MAN1A1: variants seen among roughly 807,000 people sequenced by gnomAD.
MAN1A1 encodes mannosyl-oligosaccharide 1,2-alpha-mannosidase IA.
A neutral mutation model predicts 70.8 loss-of-function variants in MAN1A1; 29 were observed. The ratio of observed to expected loss-of-function variants is 0.41; its 90% confidence interval spans 0.31 to 0.56. The LOEUF (loss-of-function observed/expected upper bound fraction) is 0.56, where lower values mean the gene tolerates loss of function less well. Among genes scored for constraint, MAN1A1 ranks in the 20% least tolerant of loss-of-function variants. The probability of loss-of-function intolerance (pLI) is 0.29; values close to 1 mark genes in which losing one functional copy is unlikely to be tolerated. For missense variants in MAN1A1, 747 were observed against 841.3 expected (o/e 0.89, Z 1.39); for synonymous variants, 349 against 330.1 (o/e 1.06, Z -0.62).
intron 9 of MAN1A1, 145 bp from the exon 10 acceptor site, chr6:119,190,028 G>T: frequency 1.5e-6 from 1 of 651,356 alleles, no homozygotes; most frequent in Non-Finnish European, 2.6e-6. Context: ...GAAATTACAT[G>T]CTATTGCTTT....
chr6:119,250,422 C>T (rs1329999472), intron 5 of MAN1A1, among the ~76,000 whole-genome samples: 1 of 152,182 alleles, frequency 6.6e-6, no homozygotes, highest in Non-Finnish European at 1.5e-5. Flanking sequence ...CCTAACCTTC[C>T]TCATCTGTAC....
intron 6 of MAN1A1, among the ~76,000 whole-genome samples, chr6:119,247,631 G>A (rs947841320): frequency 3.3e-5 from 5 of 152,126 alleles, no homozygotes; most frequent in African/African-American, 1.2e-4. Flanking sequence ...TGTTCAGCCT[G>A]GGATGTGTGT....
At chr6:119,207,097 C>T (rs757596575) in intron 6 of MAN1A1, among the ~76,000 whole-genome samples, 21 of 152,122 alleles carry the variant, frequency 1.4e-4, no homozygotes, top group Non-Finnish European at 2.1e-4. Flanking sequence ...TGTGGTGAAT[C>T]GAGAAAAATC....
At chr6:119,217,381 A>G (rs1163242645) in intron 6 of MAN1A1, among the ~76,000 whole-genome samples, 1 of 152,090 alleles carries the variant, frequency 6.6e-6, no homozygotes, top group Non-Finnish European at 1.5e-5. Flanking sequence ...TCCCAGGTTC[A>G]AGCAATTCCC....
intron 11 of MAN1A1, among the ~76,000 whole-genome samples, chr6:119,184,736 A>T (rs975850718): frequency 2.6e-5 from 4 of 152,152 alleles, no homozygotes; most frequent in Non-Finnish European, 5.9e-5. Flanking sequence ...GCCAAAAAAA[A>T]ATCCCAAATC....
intron 6 of MAN1A1, among the ~76,000 whole-genome samples, chr6:119,245,324 T>C (rs1461162270): frequency 6.6e-6 from 1 of 152,188 alleles, no homozygotes; most frequent in African/African-American, 2.4e-5. Flanking sequence ...TTTGAAACTT[T>C]TGCTGGTGAC....
intron 2 of MAN1A1, chr6:119,331,963 C>T (rs780017967): frequency 7.8e-6 from 4 of 510,506 alleles, no homozygotes; most frequent in African/African-American, 7.7e-5. Context: ...AGGAGCTGCT[C>T]GACCCTGGGC....
intron 6 of MAN1A1, among the ~76,000 whole-genome samples, chr6:119,212,189 T>A (rs1171860627): frequency 6.6e-6 from 1 of 151,564 alleles, no homozygotes; most frequent in Non-Finnish European, 1.5e-5. Flanking sequence ...AATAAAAACA[T>A]TGGTAACCTA....
chr6:119,322,209 A>T (rs1394931994), intron 2 of MAN1A1, among the ~76,000 whole-genome samples: 1 of 152,124 alleles, frequency 6.6e-6, no homozygotes, highest in Non-Finnish European at 1.5e-5. Flanking sequence ...ACTGCATTCA[A>T]TTCCTGTCCA....
intron 6 of MAN1A1, among the ~76,000 whole-genome samples, chr6:119,243,944 G>T (rs1775083841): frequency 6.6e-6 from 1 of 151,918 alleles, no homozygotes; most frequent in South Asian, 2.1e-4. Flanking sequence ...CACCAAGCAG[G>T]CGTCAGAAAA....
intron 2 of MAN1A1, among the ~76,000 whole-genome samples, chr6:119,336,138 C>T (rs554038606): frequency 6.6e-6 from 1 of 152,142 alleles, no homozygotes; most frequent in African/African-American, 2.4e-5. Flanking sequence ...GGCACAATCT[C>T]GGTTCACTGC....
At chr6:119,296,081 T>G (rs1457147126) in intron 4 of MAN1A1, among the ~76,000 whole-genome samples, 1 of 152,200 alleles carries the variant, frequency 6.6e-6, no homozygotes, top group East Asian at 1.9e-4. Context: ...ATTAACACTT[T>G]GAGGATTAAA....
intron 11 of MAN1A1, among the ~76,000 whole-genome samples, chr6:119,186,372 G>A (rs938922194): frequency 2.0e-5 from 3 of 152,152 alleles, no homozygotes; most frequent in African/African-American, 7.2e-5. Context: ...GACGCAGGAT[G>A]CAGGAAGTCT....
intron 2 of MAN1A1, among the ~76,000 whole-genome samples, chr6:119,328,135 C>G (rs1048803345): frequency 3.3e-5 from 5 of 152,170 alleles, no homozygotes; most frequent in Non-Finnish European, 1.5e-5. Context: ...TTAAGTCACT[C>G]TGTGATAATT....
intron 2 of MAN1A1, among the ~76,000 whole-genome samples, chr6:119,344,804 T>C (rs1773684119): frequency 6.6e-6 from 1 of 152,218 alleles, no homozygotes; most frequent in East Asian, 1.9e-4. Context: ...GTATAATAAA[T>C]GTGAATTTTA....
At chr6:119,349,895 G>T, upstream of MAN1A1, 1 of 368,744 alleles carries the variant, frequency 2.7e-6, no homozygotes, top group Non-Finnish European at 3.8e-6. Context: ...GGGGATGCGC[G>T]GGGCGGGGAG....
chr6:119,227,093 T>C (rs1774536681), intron 6 of MAN1A1, among the ~76,000 whole-genome samples: 1 of 152,120 alleles, frequency 6.6e-6, no homozygotes. Flanking sequence ...CTCAGCAATA[T>C]AAAGGATTGA....
At chr6:119,319,538 T>C (rs1358845550) in intron 2 of MAN1A1, among the ~76,000 whole-genome samples, 1 of 152,094 alleles carries the variant, frequency 6.6e-6, no homozygotes, top group Non-Finnish European at 1.5e-5. Context: ...TCAGCTATTT[T>C]ATGGCTTAAA....
In MAN1A1 at chr6:119,203,167, G is replaced by T. The variant is rs376346766; in HGVS notation, c.1116+1592C>A. Among the ~76,000 whole-genome samples, 147 of 152,318 alleles carry T rather than the reference G, an allele frequency of 9.7e-4. 1 individual carries two copies. The highest frequency in any genetic ancestry group is 3.4e-3 in the African/African-American group (141 of 41,574). On this transcript the variant is annotated intron_variant, in intron 7 of 12. Coordinates refer to ENST00000368468, the MANE Select transcript of MAN1A1 (RefSeq NM_005907.4). ...GAACTGTAAGAAATAAATTTCGGTT[G>T]TTTCTGGCTGCATTTTTGTTATGGT... is the stretch of plus-strand genomic sequence containing the variant.
Sources: gnomAD v4.1 joint callset for allele counts (sites outside exome capture counted in the v4.1 genomes callset) on GRCh38, gnomAD v4.1.1 for gene constraint, MANE v1.5 for transcripts, NCBI Gene and HGNC (gene_info 2026-07-23, HGNC 2026-07-21) for gene names.